SBF2: variants seen among roughly 807,000 people sequenced by gnomAD.
SBF2 encodes the protein SET binding factor 2, also known as myotubularin-related protein 13.
SBF2 carries 112 observed loss-of-function variants against 225.2 expected under a neutral mutation model. That is an observed-to-expected ratio of 0.50 (90% confidence interval 0.43 to 0.58). SBF2 has a LOEUF of 0.58. Among genes scored for constraint, SBF2 ranks in the 20% least tolerant of loss-of-function variants. The probability of loss-of-function intolerance (pLI) is 0.00; values close to 1 mark genes in which losing one functional copy is unlikely to be tolerated. For missense variants in SBF2, 1,996 were observed against 2,206.2 expected (o/e 0.90, Z 1.91); for synonymous variants, 763 against 773.3 (o/e 0.99, Z 0.22).
intron 2 of SBF2, among the ~76,000 whole-genome samples, chr11:10,069,206 C>T (rs1035856883): frequency 2.0e-5 from 3 of 152,066 alleles, no homozygotes; most frequent in African/African-American, 2.4e-5. Context: ...GGTACATGTG[C>T]ACAACGTGCA....
chr11:10,001,958 T>C (rs1163116576), intron 7 of SBF2, among the ~76,000 whole-genome samples: 1 of 152,192 alleles, frequency 6.6e-6, no homozygotes, highest in Admixed American at 6.5e-5. Context: ...ACAGCACTAT[T>C]AGTCATCACT....
chr11:10,276,172 T>G (rs1962948154), intron 1 of SBF2, among the ~76,000 whole-genome samples: 1 of 152,200 alleles, frequency 6.6e-6, no homozygotes, highest in South Asian at 2.1e-4. Flanking sequence ...AACCATACTT[T>G]GCAACAAAAA....
chr11:9,865,815 C>T (rs1380759779), intron 17 of SBF2, among the ~76,000 whole-genome samples: 2 of 151,536 alleles, frequency 1.3e-5, no homozygotes, highest in Non-Finnish European at 2.9e-5. Context: ...GATTTGAACC[C>T]AGCCAGTTTG....
At chr11:10,050,495 T>C (rs1950021262) in intron 2 of SBF2, among the ~76,000 whole-genome samples, 1 of 152,132 alleles carries the variant, frequency 6.6e-6, no homozygotes, top group Non-Finnish European at 1.5e-5. Context: ...AAGTTATACA[T>C]AGTAAGAGAT....
At chr11:10,224,676 G>A (rs770542017) in intron 1 of SBF2, among the ~76,000 whole-genome samples, 4 of 152,004 alleles carry the variant, frequency 2.6e-5, no homozygotes, top group African/African-American at 9.7e-5. Context: ...TACATGGCTG[G>A]TTCCTTCGAA....
chr11:10,253,352 C>A (rs1000032838), intron 1 of SBF2, among the ~76,000 whole-genome samples: 2 of 152,114 alleles, frequency 1.3e-5, no homozygotes, highest in African/African-American at 4.8e-5. Flanking sequence ...GAAAGCCTGT[C>A]TTTTTCTTTT....
intron 1 of SBF2, among the ~76,000 whole-genome samples, chr11:10,277,185 C>T (rs1963023139): frequency 6.8e-6 from 1 of 148,132 alleles, no homozygotes; most frequent in African/African-American, 2.5e-5. Flanking sequence ...TTTGGGAGGC[C>T]AAGGCGGGCA....
intron 2 of SBF2, among the ~76,000 whole-genome samples, chr11:10,165,566 CTTCA>C (rs1330376924): frequency 6.6e-6 from 1 of 152,150 alleles, no homozygotes; most frequent in East Asian, 1.9e-4. Context: ...CAGAGGACAA[CTTCA>C]TTAAGATTCT....
intron 2 of SBF2, among the ~76,000 whole-genome samples, chr11:10,163,722 T>C (rs1317725290): frequency 6.6e-6 from 1 of 152,138 alleles, no homozygotes; most frequent in East Asian, 1.9e-4. Flanking sequence ...AATAGATACA[T>C]AAGGATCAAA....
chr11:9,910,854 TG>T (rs1409807844), intron 16 of SBF2, among the ~76,000 whole-genome samples: 1 of 131,574 alleles, frequency 7.6e-6, no homozygotes, highest in Non-Finnish European at 1.6e-5. Context: ...TGAGACCATT[TG>T]GCCAACATGG....
At chr11:9,797,843 C>A (rs12420712) in intron 32 of SBF2, among the ~76,000 whole-genome samples, 1 of 151,900 alleles carries the variant, frequency 6.6e-6, no homozygotes, top group African/African-American at 2.4e-5. Context: ...TGTGGTGGCA[C>A]GTGCCTGTAG....
chr11:9,892,562 A>G (rs936151166), intron 17 of SBF2, among the ~76,000 whole-genome samples: 7 of 149,186 alleles, frequency 4.7e-5, no homozygotes, highest in African/African-American at 1.7e-4. Flanking sequence ...ATATATATAT[A>G]TAATTTTTTT....
At chr11:10,272,594 A>C (rs993262399) in intron 1 of SBF2, among the ~76,000 whole-genome samples, 27 of 152,092 alleles carry the variant, frequency 1.8e-4, no homozygotes, top group African/African-American at 5.5e-4. Context: ...CAACACGGCA[A>C]AACCCCGTCT....
intron 14 of SBF2, among the ~76,000 whole-genome samples, chr11:9,967,219 A>C (rs912532441): frequency 1.3e-5 from 2 of 152,108 alleles, no homozygotes; most frequent in Non-Finnish European, 1.5e-5. Flanking sequence ...AAAATACAAA[A>C]AAATTAGCCG....
At position 10,031,032 on chromosome 11, in the gene SBF2, A is replaced by G; in HGVS notation, c.402+16T>C. On this transcript the variant is annotated intron_variant, in intron 4 of 39. Coordinates refer to ENST00000256190, the MANE Select transcript of SBF2 (RefSeq NM_030962.4). ...ACAATAATACAAATTAATAATGATA[A>G]CTATGTGTTCTTTACCCTAAAAATT... 6.2e-7 allele frequency: 1 copy of G among 1,602,852 alleles called. No individual in the cohort carries two copies. Among genetic ancestry groups the G allele is most frequent in the Non-Finnish European group, 8.5e-7 (1 of 1,170,542 alleles).
At chr11:9,783,105 GACTGGT>G (rs202081914) in intron 38 of SBF2, 65,842 of 151,498 alleles carry the variant, frequency 0.43, 14,877 homozygotes, top group Admixed American at 0.52. Flanking sequence ...AAGTCCAGAA[GACTGGT>G]AAGAATGCAA....
At chr11:10,270,588 T>C (rs1424630343) in intron 1 of SBF2, among the ~76,000 whole-genome samples, 1 of 152,180 alleles carries the variant, frequency 6.6e-6, no homozygotes, top group African/African-American at 2.4e-5. Context: ...TTCAAATCCA[T>C]GTTGTTGAAG....
At chr11:10,165,984 A>T (rs1256697572) in intron 2 of SBF2, among the ~76,000 whole-genome samples, 2 of 152,216 alleles carry the variant, frequency 1.3e-5, no homozygotes, top group East Asian at 1.9e-4. Context: ...GATAATATGT[A>T]TCAATGAAGG....
At chr11:10,091,749 A>G (rs1364992431) in intron 2 of SBF2, among the ~76,000 whole-genome samples, 2 of 152,176 alleles carry the variant, frequency 1.3e-5, no homozygotes, top group African/African-American at 2.4e-5. Context: ...ATTTTGAGAC[A>G]ATTCTATACT....
Sources: allele counts gnomAD v4.1 joint callset (sites outside exome capture counted in the v4.1 genomes callset), GRCh38; gene constraint gnomAD v4.1.1; transcripts MANE v1.5; gene names NCBI Gene and HGNC (gene_info 2026-07-23, HGNC 2026-07-21).